TMTC2: variants seen among roughly 807,000 people sequenced by gnomAD.
TMTC2 encodes the protein transmembrane O-mannosyltransferase targeting cadherins 2, also known as protein O-mannosyl-transferase TMTC2.
A neutral mutation model predicts 82.4 loss-of-function variants in TMTC2; 43 were observed. That is an observed-to-expected ratio of 0.52 (90% CI 0.41 to 0.67). The LOEUF (loss-of-function observed/expected upper bound fraction) is 0.67, where lower values mean the gene tolerates loss of function less well. Ranked by LOEUF, TMTC2 falls within the 30% of genes least tolerant of loss-of-function variation. The pLI is 0.00. For missense variants in TMTC2, 919 were observed against 1,012.4 expected (o/e 0.91, Z 1.25); for synonymous variants, 408 against 381.9 (o/e 1.07, Z -0.80).
At chr12:83,034,489 A>C (rs1365085872) in intron 9 of TMTC2, among the ~76,000 whole-genome samples, 1 of 152,186 alleles carries the variant, frequency 6.6e-6, no homozygotes, top group Admixed American at 6.5e-5. Context: ...GGAGTTTTGC[A>C]TTGTATTCTG....
chr12:82,830,250 T>C (rs570259800), intron 1 of TMTC2, among the ~76,000 whole-genome samples: 62 of 152,266 alleles, frequency 4.1e-4, no homozygotes, highest in Middle Eastern at 3.4e-3. Context: ...TTCTATTGTG[T>C]TTTTATAATT....
At chr12:82,947,158 G>C (rs1480220727) in intron 4 of TMTC2, among the ~76,000 whole-genome samples, 1 of 152,116 alleles carries the variant, frequency 6.6e-6, no homozygotes, top group Non-Finnish European at 1.5e-5. Flanking sequence ...GCCTTTAAAA[G>C]ATGGTATTGT....
intron 11 of TMTC2, among the ~76,000 whole-genome samples, chr12:83,084,645 A>G (rs1883588945): frequency 6.6e-6 from 1 of 152,250 alleles, no homozygotes; most frequent in African/African-American, 2.4e-5. Flanking sequence ...AAAAAAGACT[A>G]AAATTCAAAA....
chr12:82,939,437 C>G (rs1369592397), intron 4 of TMTC2, among the ~76,000 whole-genome samples: 2 of 152,016 alleles, frequency 1.3e-5, no homozygotes, highest in African/African-American at 4.8e-5. Flanking sequence ...CCATTTGCAG[C>G]CTAATATGCT....
chr12:83,047,824 T>TA (rs1882199247), intron 9 of TMTC2, among the ~76,000 whole-genome samples: 1 of 152,224 alleles, frequency 6.6e-6, no homozygotes, highest in Admixed American at 6.5e-5. Flanking sequence ...TAAATGATGA[T>TA]AAAAATAGTT....
intron 8 of TMTC2, among the ~76,000 whole-genome samples, chr12:83,027,696 G>A (rs891652934): frequency 3.3e-5 from 5 of 152,102 alleles, no homozygotes; most frequent in African/African-American, 1.2e-4. Context: ...TTGTGTGATG[G>A]CACAGTGTCT....
At chr12:82,970,636 T>G (rs535819872) in intron 7 of TMTC2, among the ~76,000 whole-genome samples, 1 of 152,364 alleles carries the variant, frequency 6.6e-6, no homozygotes, top group African/African-American at 2.4e-5. Context: ...CCCGGCCTCC[T>G]TAGGCTTTTA....
chr12:82,786,002 G>A (rs936663584), intron 1 of TMTC2, among the ~76,000 whole-genome samples: 7 of 152,074 alleles, frequency 4.6e-5, no homozygotes, highest in Admixed American at 4.6e-4. Flanking sequence ...TCTGGTTGCT[G>A]CAGGGGCTAC....
In TMTC2 at chr12:82,896,495, C is replaced by A; in HGVS notation, c.1332C>A (p.Val444=). 4 of 1,614,144 alleles carry A rather than the reference C, an allele frequency of 2.5e-6. No individual in the cohort carries two copies. Among genetic ancestry groups the A allele is most frequent in the Non-Finnish European group, 3.4e-6 (4 of 1,180,028 alleles). ...LITVGARALY[V]KVQKRFLKSL... ...CAGTGGGTGCTAGAGCCCTTTATGT[C>A]AAAGTCCAAAAGCGGTTCCTCAAGA... is the stretch of plus-strand genomic sequence containing the variant. The change falls in exon 3 of 12, where the codon GTC becomes GTA. Residue 444 remains valine (V), a synonymous_variant. Transcript: ENST00000321196.
At chr12:82,796,042 A>G (rs888223967) in intron 1 of TMTC2, among the ~76,000 whole-genome samples, 2 of 152,150 alleles carry the variant, frequency 1.3e-5, no homozygotes, top group East Asian at 1.9e-4. Flanking sequence ...AACACCAGAA[A>G]CTTAGAACAG....
rs148994628 is a variant in TMTC2 at position 83,005,699 on chromosome 12, A to C, written c.2070+19653A>C. Among the ~76,000 whole-genome samples the C allele has an allele frequency of 4.5e-3, 691 of 152,278 alleles. 3 individuals carry two copies. Among genetic ancestry groups the C allele is most frequent in the Non-Finnish European group, 6.7e-3 (457 of 68,002 alleles). ...AGCACCAGCTGTGCTTGGTGGAGGCAGGGGGTTTTGGCGGGGAATTGCCCC... is the reference window on the plus strand; with the variant it reads ...AGCACCAGCTGTGCTTGGTGGAGGCCGGGGGTTTTGGCGGGGAATTGCCCC... On this transcript the variant is annotated intron_variant, in intron 8 of 11. Coordinates refer to ENST00000321196, the MANE Select transcript of TMTC2 (RefSeq NM_152588.3).
At chr12:82,997,370 A>ATATATATATGTGTATATATATATATGTG (rs1565845123) in intron 8 of TMTC2, among the ~76,000 whole-genome samples, 2 of 17,376 alleles carry the variant, frequency 1.2e-4, no homozygotes, top group African/African-American at 2.5e-4. Context: ...ATATATGTGT[A>ATATATATATGTGTATATATATATATGTG]TATATATATA....
At chr12:83,085,239 C>T (rs887854948) in intron 11 of TMTC2, among the ~76,000 whole-genome samples, 4 of 152,122 alleles carry the variant, frequency 2.6e-5, no homozygotes, top group Admixed American at 6.6e-5. Flanking sequence ...CTAACTATGC[C>T]TCTGAGAAAA....
intron 1 of TMTC2, among the ~76,000 whole-genome samples, chr12:82,808,685 A>G (rs553177884): frequency 1.4e-3 from 218 of 152,214 alleles, no homozygotes; most frequent in Non-Finnish European, 1.9e-3. Flanking sequence ...CTATTCCAGT[A>G]TTCTTCTCCT....
Position 83,087,203 on chromosome 12 carries a change from G to T in TMTC2, c.2331+25372G>T, listed in dbSNP as rs1298104341. 5.3e-5 allele frequency among the ~76,000 whole-genome samples: 8 copies of T among 152,290 alleles called. No homozygotes were observed. In the East Asian group the frequency reaches 1.5e-3, roughly 29 times the overall value. ...CACTTTATTTGCTCATCCATCAGAA[G>T]CAACTCCTCATCCATTCAAGTTTTT... On this transcript the variant is annotated intron_variant, in intron 11 of 11. Coordinates refer to ENST00000321196, the MANE Select transcript of TMTC2 (RefSeq NM_152588.3).
chr12:82,706,897 G>C (rs1873386869), intron 1 of TMTC2, among the ~76,000 whole-genome samples: 1 of 152,194 alleles, frequency 6.6e-6, no homozygotes, highest in South Asian at 2.1e-4. Flanking sequence ...TGAGATGTCA[G>C]AACATCTCTG....
At chr12:82,839,469 C>T (rs886353893) in intron 1 of TMTC2, among the ~76,000 whole-genome samples, 1 of 152,082 alleles carries the variant, frequency 6.6e-6, no homozygotes, top group African/African-American at 2.4e-5. Flanking sequence ...CTGTGTAGGG[C>T]TGACTTATAT....
At chr12:82,970,900 AAT>A (rs930536380) in intron 7 of TMTC2, among the ~76,000 whole-genome samples, 10 of 152,200 alleles carry the variant, frequency 6.6e-5, no homozygotes, top group African/African-American at 2.4e-4. Flanking sequence ...TGGTTTCATT[AAT>A]AGAGTGCTTC....
rs371608032 is a variant in TMTC2, at chr12:82,755,266, G to T, written c.83+67597G>T. Among the ~76,000 whole-genome samples the T allele has an allele frequency of 3.3e-5, 5 of 152,260 alleles. No individual in the cohort carries two copies. In the East Asian group the frequency reaches 7.7e-4, roughly 24 times the overall value. ...AGATATTGCAAAGAAACTGATTGTG[G>T]TGTCTATCTGTTGCTAGTTCTTCTC... On this transcript the variant is annotated intron_variant, in intron 1 of 11. Coordinates refer to ENST00000321196, the MANE Select transcript of TMTC2 (RefSeq NM_152588.3).
Sources: gnomAD v4.1 joint callset for allele counts (sites outside exome capture counted in the v4.1 genomes callset) on GRCh38, gnomAD v4.1.1 for gene constraint, MANE v1.5 for transcripts, NCBI Gene and HGNC (gene_info 2026-07-23, HGNC 2026-07-21) for gene names.